The following MFSD1 variants were observed in gnomAD, a reference collection of about 807,000 sequenced individuals.
The protein encoded by MFSD1 is lysosomal dipeptide transporter MFSD1.
In MFSD1, 59 loss-of-function variants were observed where a neutral mutation model predicts 67.1. The observed-to-expected ratio is 0.88, with a 90% CI of 0.71 to 1.09. The LOEUF is 1.09. Among genes scored for constraint, MFSD1 ranks in the 50% least tolerant of loss-of-function variants. MFSD1 has a pLI of 0.00. For missense variants in MFSD1, 552 were observed against 566.1 expected, an observed-to-expected ratio of 0.97 and a Z score of 0.25; for synonymous variants, 213 against 200.3, an observed-to-expected ratio of 1.06 and a Z score of -0.54.
intron 7 of MFSD1, among the ~76,000 whole-genome samples, chr3:158,815,263 G>T (rs1487839790): frequency 2.0e-5 from 3 of 152,036 alleles, no homozygotes; most frequent in African/African-American, 7.2e-5. Flanking sequence ...TTGGGAGTCA[G>T]GAGCCCTGGC....
At chr3:158,826,220 G>A (rs952598081) in intron 14 of MFSD1, among the ~76,000 whole-genome samples, 158 bp downstream of exon 14, 4 of 151,952 alleles carry the variant, frequency 2.6e-5, no homozygotes, top group Non-Finnish European at 4.4e-5. Flanking sequence ...ATATAATTAT[G>A]TTTTCTGGGC....
chr3:158,820,069 T>C, intron 8 of MFSD1, 146 bp from the exon 9 acceptor site: 1 of 570,932 alleles, frequency 1.8e-6, no homozygotes, highest in Non-Finnish European at 3.1e-6. Flanking sequence ...CCAGAAATGA[T>C]GTTTGTGTAA....
chr3:158,826,231 C>T (rs1393418699), intron 14 of MFSD1, among the ~76,000 whole-genome samples, 169 bp downstream of exon 14: 8 of 152,142 alleles, frequency 5.3e-5, no homozygotes, highest in South Asian at 2.1e-4. Context: ...TTTTCTGGGC[C>T]TTCATATTTA....
In MFSD1 at chr3:158,826,042, A is replaced by C; in HGVS notation, c.1316A>C (p.Tyr439Ser). The part of the protein sequence containing the change: ...SLSLLSVVLL[Y>S]LVNRAQGGNL... ...TCACTTTTATCTGTGGTCTTACTCT[A>C]TTTGGTGAATCGTGCCCAGGGTAAG... Residue 439 changes from tyrosine (Y) to serine (S), a missense_variant, in exon 14 of 16, where the codon TAT (tyrosine) becomes TCT (serine). By Grantham distance (144) the Tyr-to-Ser change is moderately radical (BLOSUM62 -2). Transcript: ENST00000415822. 6.2e-7 allele frequency: 1 copy of C among 1,613,494 alleles called. No homozygotes were observed. The highest frequency in any genetic ancestry group is 8.5e-7 in the Non-Finnish European group (1 of 1,179,624).
intron 15 of MFSD1, among the ~76,000 whole-genome samples, chr3:158,827,976 G>GAGAGAGAGAGAGACAGAC (rs1553759912): frequency 1.3e-5 from 1 of 78,872 alleles, no homozygotes; most frequent in Non-Finnish European, 2.5e-5. Context: ...GAGAGAGAGA[G>GAGAGAGAGAGAGACAGAC]AGACAGAGAT....
At position 158,819,682 on chromosome 3, in the gene MFSD1, C is replaced by A; in HGVS notation, c.686C>A (p.Ala229Asp). 6.2e-7 allele frequency: 1 copy of A among 1,604,164 alleles called. No homozygotes were observed. The highest frequency in any genetic ancestry group is 8.5e-7 in the Non-Finnish European group (1 of 1,173,530). ...ACGTGTATTCTTTCACTAATCTGTG[C>A]CTTGGCTCTTGCCTACTTGGATCAG... Reference protein sequence around the residue: ...GITCILSLICALALAYLDQRA... With the variant: ...GITCILSLICDLALAYLDQRA... Residue 229 changes from alanine (A) to aspartate (D), a missense_variant, in exon 8 of 16, where the codon GCC (alanine) becomes GAC (aspartate). Physicochemically the swap from Ala to Asp is moderately radical, Grantham distance 126. Coordinates refer to ENST00000415822, the MANE Select transcript of MFSD1 (RefSeq NM_022736.4).
In MFSD1 at chr3:158,805,360, A is replaced by C. The variant is rs773348563; in HGVS notation, c.217-2A>C. ...AAATAGTTTTATTTTCTTTTCATAT[A>C]GGATATGCAAGTGAATACCACGAAA... On this transcript the variant is annotated splice_acceptor_variant, in intron 2 of 15. Coordinates refer to ENST00000415822, the MANE Select transcript of MFSD1 (RefSeq NM_022736.4). LOFTEE classifies it high-confidence loss of function. 1 of 1,604,268 alleles carries C rather than the reference A, an allele frequency of 6.2e-7. No individual in the cohort carries two copies. Among genetic ancestry groups the C allele is most frequent in the East Asian group, 2.2e-5 (1 of 44,796 alleles).
Position 158,807,467 on chromosome 3 carries a change from A to G in MFSD1, c.440+4A>G, listed in dbSNP as rs750408485. On this transcript the variant is annotated splice_donor_region_variant and intron_variant, in intron 5 of 15. Coordinates refer to ENST00000415822, the MANE Select transcript of MFSD1 (RefSeq NM_022736.4). ...AATTTGGAAGATTTGTATTTGGGTA[A>G]GTTATGCATAATTTAATTTATCCTA... 3.7e-6 allele frequency: 6 copies of G among 1,600,414 alleles called. No homozygotes were observed. The South Asian group carries it at 4.4e-5, about 12-fold the overall frequency.
intron 13 of MFSD1, chr3:158,825,412 T>G (rs1730915722): frequency 6.6e-6 from 1 of 152,220 alleles, no homozygotes; most frequent in Non-Finnish European, 1.5e-5. Flanking sequence ...CTCCTGCCTT[T>G]GGGATTACAG....
intron 5 of MFSD1, 133 bp downstream of exon 5, chr3:158,807,596 A>C: frequency 4.4e-6 from 3 of 684,100 alleles, no homozygotes; most frequent in Non-Finnish European, 5.0e-6. Flanking sequence ...TATGCATAAG[A>C]GTATTTCTTA....
intron 2 of MFSD1, among the ~76,000 whole-genome samples, chr3:158,805,048 A>AT (rs1729655534): frequency 1.3e-5 from 2 of 152,156 alleles, no homozygotes; most frequent in Admixed American, 1.3e-4. Flanking sequence ...CAGGTAGTAT[A>AT]TAGAAGTTAT....
chr3:158,813,508 T>A (rs1364347730), intron 6 of MFSD1, among the ~76,000 whole-genome samples: 1 of 152,228 alleles, frequency 6.6e-6, no homozygotes, highest in African/African-American at 2.4e-5. Flanking sequence ...AGGGGCTCAG[T>A]AATTGCTGAG....
chr3:158,804,608 T>G (rs975722596), intron 2 of MFSD1, among the ~76,000 whole-genome samples: 1 of 152,238 alleles, frequency 6.6e-6, no homozygotes, highest in African/African-American at 2.4e-5. Context: ...GATAAATAAT[T>G]ATGTGGTATT....
intron 7 of MFSD1, 85 bp from the exon 8 acceptor site, chr3:158,819,563 GT>G: frequency 1.5e-6 from 1 of 655,852 alleles, no homozygotes; most frequent in Non-Finnish European, 2.5e-6. Flanking sequence ...TGTTTTTGCT[GT>G]TTATGTAATG....
In MFSD1 at chr3:158,804,438, T is replaced by G. The variant is rs1024987272; in HGVS notation, c.216+67T>G. The G allele has an allele frequency of 6.7e-6, 9 of 1,342,418 alleles. No homozygotes were observed. The African/African-American group carries it at 1.3e-4, about 19-fold the overall frequency. The allele number at this position is 1,342,418 out of a possible 1,614,324, so 83.2% of individuals were successfully genotyped here. A position where few individuals can be genotyped will look rare whatever the true frequency, so the allele number is the denominator to read the frequency against. ...AGCAAGTGTAGCGGTGGAGGCATTATCAACCCTCAGGTGCCCTAGTCTCAC... is the reference window on the plus strand; with the variant it reads ...AGCAAGTGTAGCGGTGGAGGCATTAGCAACCCTCAGGTGCCCTAGTCTCAC... On this transcript the variant is annotated intron_variant, in intron 2 of 15. Coordinates refer to ENST00000415822, the MANE Select transcript of MFSD1 (RefSeq NM_022736.4).
Position 158,819,733 on chromosome 3 carries a change from A to G in MFSD1, c.737A>G (p.Glu246Gly). Residue 246 changes from glutamate (E) to glycine (G), a missense_variant, in exon 8 of 16, where the codon GAA becomes GGA. By Grantham distance (98) the Glu-to-Gly change is moderately conservative. Coordinates refer to ENST00000415822, the MANE Select transcript of MFSD1 (RefSeq NM_022736.4). ...AGAGCAGAGAGAATCCTTCATAAAG[A>G]ACAAGGAAAAACAGGTAAGTCTAAA... is the stretch of plus-strand genomic sequence containing the variant. ...DQRAERILHK[E>G]QGKTGEVIKL... The G allele has an allele frequency of 6.3e-7, 1 of 1,596,626 alleles. No individual in the cohort carries two copies. The highest frequency in any genetic ancestry group is 8.6e-7 in the Non-Finnish European group (1 of 1,166,010).
intron 6 of MFSD1, 129 bp downstream of exon 6, chr3:158,809,416 C>G (rs765660312): frequency 3.8e-5 from 23 of 597,692 alleles, no homozygotes; most frequent in Non-Finnish European, 6.3e-5. Context: ...ATGGATTTCT[C>G]TAGAACACAG....
intron 15 of MFSD1, among the ~76,000 whole-genome samples, chr3:158,827,849 A>G (rs911308326): frequency 1.3e-5 from 2 of 151,574 alleles, no homozygotes; most frequent in African/African-American, 4.9e-5. Context: ...TGAAACGAAG[A>G]AAAAAAATAA....
intron 7 of MFSD1, among the ~76,000 whole-genome samples, chr3:158,818,284 A>G (rs1222888452): frequency 6.6e-6 from 1 of 152,202 alleles, no homozygotes; most frequent in East Asian, 1.9e-4. Context: ...ATACACAGAT[A>G]CATTGTGTAA....
Sources: gnomAD v4.1 joint callset for allele counts (sites outside exome capture counted in the v4.1 genomes callset) on GRCh38, gnomAD v4.1.1 for gene constraint, MANE v1.5 for transcripts, NCBI Gene and HGNC (gene_info 2026-07-23, HGNC 2026-07-21) for gene names.